Variants in PDE1C observed in about 807,000 individuals in gnomAD.
The protein encoded by PDE1C is phosphodiesterase 1C.
Under a neutral mutation model 93.1 loss-of-function variants are expected in PDE1C, and 62 were observed. That is an observed-to-expected ratio of 0.67 (90% CI 0.54 to 0.82). PDE1C has a LOEUF of 0.82. PDE1C is among the 40% of genes least tolerant of loss of function. The probability of loss-of-function intolerance (pLI) is 0.00; values close to 1 mark genes in which losing one functional copy is unlikely to be tolerated. For missense variants in PDE1C, 742 were observed against 884.6 expected (o/e 0.84, Z 2.04); for synonymous variants, 325 against 310.1 (o/e 1.05, Z -0.50).
At chr7:32,246,334 T>G (rs1808953012) in intron 1 of PDE1C, among the ~76,000 whole-genome samples, 2 of 152,122 alleles carry the variant, frequency 1.3e-5, no homozygotes, top group Admixed American at 1.3e-4. Flanking sequence ...CTGACTCTTA[T>G]GCTTATGACA....
chr7:31,654,661 G>A, the PDE1C span, among the ~76,000 whole-genome samples: 1 of 152,144 alleles, frequency 6.6e-6, no homozygotes, highest in Non-Finnish European at 1.5e-5. Context: ...GAAATGCAGG[G>A]AATGGCACAC....
chr7:32,206,673 C>A (rs975109733), intron 2 of PDE1C, among the ~76,000 whole-genome samples: 4 of 152,174 alleles, frequency 2.6e-5, no homozygotes, highest in African/African-American at 7.2e-5. Flanking sequence ...CATGCGGCAC[C>A]CATGTGAGGT....
intron 1 of PDE1C, among the ~76,000 whole-genome samples, chr7:32,406,531 CAAAAAAA>C (rs5883350): frequency 3.8e-5 from 5 of 133,256 alleles, no homozygotes; most frequent in Non-Finnish European, 6.5e-5. Context: ...CTCCATAATG[CAAAAAAA>C]AAAAAAAAAA....
intron 3 of PDE1C, among the ~76,000 whole-genome samples, chr7:32,111,922 G>A (rs560838159): frequency 2.5e-4 from 38 of 152,270 alleles, no homozygotes; most frequent in African/African-American, 8.9e-4. Context: ...TTTCCTTGAT[G>A]TTCTCCCAGT....
At chr7:32,283,191 G>A (rs1225321647) in intron 1 of PDE1C, among the ~76,000 whole-genome samples, 4 of 152,128 alleles carry the variant, frequency 2.6e-5, no homozygotes, top group African/African-American at 4.8e-5. Flanking sequence ...TAAATCAATC[G>A]TGATACCTTA....
intron 1 of PDE1C, among the ~76,000 whole-genome samples, chr7:32,214,159 T>C (rs932620437): frequency 3.3e-5 from 5 of 152,128 alleles, no homozygotes; most frequent in African/African-American, 9.7e-5. Context: ...TATACTATTT[T>C]TATACATACA....
At chr7:31,653,312 T>C in the PDE1C span, 1 of 159,110 alleles carries the variant, frequency 6.3e-6, no homozygotes, top group African/African-American at 2.4e-5. Context: ...TTGCATTTTT[T>C]TGAGTCTGAT....
At chr7:32,091,409 AC>A (rs1797461707) in intron 3 of PDE1C, among the ~76,000 whole-genome samples, 1 of 152,222 alleles carries the variant, frequency 6.6e-6, no homozygotes, top group South Asian at 2.1e-4. Context: ...AAGGTCAGGG[AC>A]TTGGAGTATA....
At chr7:32,286,770 T>C (rs2128895108) in intron 1 of PDE1C, among the ~76,000 whole-genome samples, 1 of 152,350 alleles carries the variant, frequency 6.6e-6, no homozygotes, top group East Asian at 1.9e-4. Flanking sequence ...AATAGAATAG[T>C]ATGTGGACCA....
At chr7:32,110,108 C>G (rs1584779739) in intron 3 of PDE1C, among the ~76,000 whole-genome samples, 1 of 152,144 alleles carries the variant, frequency 6.6e-6, no homozygotes, top group South Asian at 2.1e-4. Flanking sequence ...TCAAATCCAG[C>G]CTGCTACTGC....
chr7:32,295,469 G>A (rs1055419836), intron 1 of PDE1C, among the ~76,000 whole-genome samples: 11 of 152,190 alleles, frequency 7.2e-5, no homozygotes, highest in African/African-American at 2.7e-4. Context: ...CAGAGCTGTC[G>A]AAACATTGCT....
rs112094485 is a variant in PDE1C at position 32,098,795 on chromosome 7, A to G, written c.308+70990T>C. ...GGATCATCCCCATCATCTCTCTTCT[A>G]TCACCTTGACTATATATTTGAAATT... On this transcript the variant is annotated intron_variant, in intron 3 of 18. Transcript: ENST00000396193. 6.5e-4 allele frequency among the ~76,000 whole-genome samples: 99 copies of G among 152,290 alleles called. 1 individual carries two copies. Among genetic ancestry groups the G allele is most frequent in the African/African-American group, 2.2e-3 (92 of 41,556 alleles).
In PDE1C at chr7:32,046,213, TAAAA is replaced by T. The variant is rs1010966269; in HGVS notation, c.128+5337_128+5340del. ...ATTTTTGAGCCATTTGCCTTTTTTT[TAAAA>T]AAAAAAAAGAAAGCCTAAAAATCAG... On this transcript the variant is annotated intron_variant, in intron 2 of 17. Coordinates refer to ENST00000396191, the MANE Select transcript of PDE1C (RefSeq NM_001191057.4). Among the ~76,000 whole-genome samples the T allele has an allele frequency of 6.8e-3, 1,001 of 147,172 alleles. 17 individuals carry two copies. Among genetic ancestry groups the T allele is most frequent in the African/African-American group, 0.023 (923 of 40,314 alleles).
At chr7:31,923,435 T>C (rs73686822) in intron 2 of PDE1C, among the ~76,000 whole-genome samples, 2,263 of 152,106 alleles carry the variant, frequency 0.015, 50 homozygotes, top group African/African-American at 0.052. Context: ...CCCAGGTGAG[T>C]CTAAGGTATA....
chr7:31,845,320 T>A (rs1325341452), intron 9 of PDE1C, among the ~76,000 whole-genome samples: 1 of 152,220 alleles, frequency 6.6e-6, no homozygotes, highest in Non-Finnish European at 1.5e-5. Context: ...GATCTTTATA[T>A]GTCACTTAGA....
chr7:32,266,708 G>A (rs1485796429), intron 1 of PDE1C, among the ~76,000 whole-genome samples: 3 of 152,130 alleles, frequency 2.0e-5, no homozygotes, highest in Non-Finnish European at 2.9e-5. Context: ...CCTCTCTGAG[G>A]TTCTGGCCCT....
chr7:31,856,986 C>G (rs1794101381), intron 7 of PDE1C, among the ~76,000 whole-genome samples: 1 of 152,102 alleles, frequency 6.6e-6, no homozygotes, highest in Non-Finnish European at 1.5e-5. Context: ...CTTCTACCTG[C>G]AAGTGCATGT....
rs774396060 is a variant in PDE1C at position 32,209,488 on chromosome 7, C to A, written c.136+1G>T. ...AAAGGAGTGAAACAAGATTTACTCACGAGAGAAGCGGGCCAGTGGTCTGGC... is the reference window on the plus strand; with the variant it reads ...AAAGGAGTGAAACAAGATTTACTCAAGAGAGAAGCGGGCCAGTGGTCTGGC... On this transcript the variant is annotated splice_donor_variant, in intron 2 of 18. Transcript: ENST00000396193. LOFTEE classifies it high-confidence loss of function. 4 of 1,571,172 alleles carry A rather than the reference C, an allele frequency of 2.5e-6. No individual in the cohort carries two copies. Among genetic ancestry groups the A allele is most frequent in the South Asian group, 2.4e-5 (2 of 84,196 alleles).
chr7:31,661,707 T>G, the PDE1C span, among the ~76,000 whole-genome samples: 3 of 152,176 alleles, frequency 2.0e-5, no homozygotes, highest in African/African-American at 7.2e-5. Flanking sequence ...AGAGTGAAAC[T>G]CCGTCTCAAA....
Sources: gnomAD v4.1 joint callset for allele counts (sites outside exome capture counted in the v4.1 genomes callset) on GRCh38, gnomAD v4.1.1 for gene constraint, MANE v1.5 for transcripts, NCBI Gene and HGNC (gene_info 2026-07-23, HGNC 2026-07-21) for gene names.